SPTBN1: variants seen among roughly 807,000 people sequenced by gnomAD.
SPTBN1 encodes spectrin beta, non-erythrocytic 1.
SPTBN1 carries 32 observed loss-of-function variants against 266.4 expected under a neutral mutation model. That is an observed-to-expected ratio of 0.12 (90% CI 0.09 to 0.16). SPTBN1 has a LOEUF of 0.16. SPTBN1 is among the 10% of genes least tolerant of loss of function. The probability of loss-of-function intolerance (pLI) is 1.00; values close to 1 mark genes in which losing one functional copy is unlikely to be tolerated. For missense variants in SPTBN1, 2,296 were observed against 3,067.1 expected (o/e 0.75, Z 5.94); for synonymous variants, 1,336 against 1,162.2 (o/e 1.15, Z -3.04).
rs948653290 is a variant in SPTBN1 at position 54,664,205 on chromosome 2, G to C, written c.6421-248G>C. On this transcript the variant is annotated intron_variant, in intron 32 of 35. Transcript: ENST00000356805. The surrounding 1 kb of genome is among the most constrained non-coding windows in gnomAD (Gnocchi z 5.6). ...GTTATATTTATTGATCAGAGGAATA[G>C]AGTGCAGTAAAACTCATACTGGCAT... 4.3e-6 allele frequency: 2 copies of C among 461,856 alleles called. No individual in the cohort carries two copies. The highest frequency in any genetic ancestry group is 3.9e-5 in the African/African-American group (2 of 51,808). The allele number at this position is 461,856 out of a possible 1,614,324, so 28.6% of individuals were successfully genotyped here. A position where few individuals can be genotyped will look rare whatever the true frequency, so the allele number is the denominator to read the frequency against.
intron 2 of SPTBN1, among the ~76,000 whole-genome samples, chr2:54,573,509 G>A (rs1031630153): frequency 5.3e-5 from 8 of 152,166 alleles, no homozygotes; most frequent in Admixed American, 2.0e-4. Flanking sequence ...AATAGGTCAC[G>A]GGCCAGGACC....
intron 2 of SPTBN1, chr2:54,529,258 A>G: frequency 2.5e-6 from 1 of 406,350 alleles, no homozygotes; most frequent in Non-Finnish European, 4.7e-6. Flanking sequence ...AGACCACTTC[A>G]TCTGGACCGA....
chr2:54,551,507 G>T (rs973089696), intron 2 of SPTBN1, among the ~76,000 whole-genome samples: 6 of 152,236 alleles, frequency 3.9e-5, no homozygotes, highest in African/African-American at 4.8e-5. Context: ...TTTGGCTGGG[G>T]TAGAAGATTC....
intron 1 of SPTBN1, among the ~76,000 whole-genome samples, chr2:54,492,327 G>T (rs1481695446): frequency 7.7e-6 from 1 of 129,838 alleles, no homozygotes; most frequent in Non-Finnish European, 1.6e-5. Context: ...TGGACATTTA[G>T]TTTGTCTGCA....
In SPTBN1 at chr2:54,645,037, A is replaced by T. The variant is rs1212361521; in HGVS notation, c.4270-192A>T. The stretch of plus-strand genomic sequence containing the variant: ...TCACCGTAGAGGGCTTTAAGGGCAA[A>T]TGAATTTACCTCAGATTTACTTGAA... On this transcript the variant is annotated intron_variant, in intron 20 of 35. Coordinates refer to ENST00000356805, the MANE Select transcript of SPTBN1 (RefSeq NM_003128.3). The surrounding 1 kb of genome is among the most constrained non-coding windows in gnomAD (Gnocchi z 4.3). 1 of 610,162 alleles carries T rather than the reference A, an allele frequency of 1.6e-6. No homozygotes were observed. The highest frequency in any genetic ancestry group is 2.8e-5 in the East Asian group (1 of 35,480). The allele number at this position is 610,162 out of a possible 1,614,324, so 37.8% of individuals were successfully genotyped here. A position where few individuals can be genotyped will look rare whatever the true frequency, so the allele number is the denominator to read the frequency against.
chr2:54,596,557 GGAACTTA>G (rs1334579326), intron 2 of SPTBN1, among the ~76,000 whole-genome samples: 1 of 152,170 alleles, frequency 6.6e-6, no homozygotes, highest in Non-Finnish European at 1.5e-5. Flanking sequence ...GTGAACCTGA[GGAACTTA>G]GACCCTGCGT....
intron 2 of SPTBN1, chr2:54,545,483 G>C (rs530476300): frequency 6.6e-6 from 1 of 152,190 alleles, no homozygotes; most frequent in Non-Finnish European, 1.5e-5. Context: ...ACCCCACTAA[G>C]TGATAGATAC....
chr2:54,618,277 G>T (rs368828316), intron 7 of SPTBN1, 84 bp downstream of exon 7: 3 of 1,177,456 alleles, frequency 2.5e-6, no homozygotes, highest in Non-Finnish European at 3.6e-6. Flanking sequence ...GTGTCAGTCT[G>T]TTTCATTTGG....
intron 32 of SPTBN1, chr2:54,661,009 C>T: frequency 2.0e-6 from 2 of 985,368 alleles, no homozygotes; most frequent in Non-Finnish European, 2.4e-6. Flanking sequence ...ATTACTTGAA[C>T]GTTGCACTTG....
At chr2:54,530,186 T>A (rs1671131901) in intron 2 of SPTBN1, among the ~76,000 whole-genome samples, 2 of 152,058 alleles carry the variant, frequency 1.3e-5, no homozygotes, top group African/African-American at 4.8e-5. Context: ...CTTTTAATGG[T>A]GTAGTTCATC....
At chr2:54,602,524 GT>G (rs1266995236) in intron 3 of SPTBN1, among the ~76,000 whole-genome samples, 1 of 152,178 alleles carries the variant, frequency 6.6e-6, no homozygotes, top group Non-Finnish European at 1.5e-5. Flanking sequence ...ATGGTGGCCA[GT>G]TTTTTGCCTT....
Position 54,558,668 on chromosome 2 carries a change from C to G in SPTBN1, c.148+32102C>G. ...GCTGGACTTGCAGACCGGAATGGGG[C>G]TCGCCTAAGGAGCCGAGCGCTGCGG... On this transcript the variant is annotated intron_variant, in intron 2 of 35. Coordinates refer to ENST00000356805, the MANE Select transcript of SPTBN1 (RefSeq NM_003128.3). The surrounding 1 kb of genome is among the most constrained non-coding windows in gnomAD (Gnocchi z 4.6). The G allele has an allele frequency of 6.7e-7, 1 of 1,495,658 alleles. No homozygotes were observed. Among genetic ancestry groups the G allele is most frequent in the Non-Finnish European group, 8.9e-7 (1 of 1,121,006 alleles). The allele number at this position is 1,495,658 out of a possible 1,614,324, so 92.6% of individuals were successfully genotyped here.
At position 54,540,152 on chromosome 2, in the gene SPTBN1, T is replaced by G. The variant is rs1399235071; in HGVS notation, c.148+13586T>G. On this transcript the variant is annotated intron_variant, in intron 2 of 35. Coordinates refer to ENST00000356805, the MANE Select transcript of SPTBN1 (RefSeq NM_003128.3). The surrounding 1 kb of genome is among the most constrained non-coding windows in gnomAD (Gnocchi z 5.6). ...AGCCTCCAGAACTGTGAGAGAGAAA[T>G]GGTTGTTGGTTAATCTCCCAGTCTG... Among the ~76,000 whole-genome samples the G allele has an allele frequency of 6.6e-6, 1 of 152,044 alleles. No individual in the cohort carries two copies. The highest frequency in any genetic ancestry group is 1.5e-5 in the Non-Finnish European group (1 of 67,992).
chr2:54,583,210 T>C (rs989988941), intron 2 of SPTBN1, among the ~76,000 whole-genome samples: 1 of 152,086 alleles, frequency 6.6e-6, no homozygotes, highest in African/African-American at 2.4e-5. Flanking sequence ...CTCTGGTCAG[T>C]TGGTCCCACA....
Position 54,646,884 on chromosome 2 carries a change from C to G in SPTBN1, c.4867-247C>G, listed in dbSNP as rs894407043. On this transcript the variant is annotated intron_variant, in intron 23 of 35. Coordinates refer to ENST00000356805, the MANE Select transcript of SPTBN1 (RefSeq NM_003128.3). The surrounding 1 kb of genome is among the most constrained non-coding windows in gnomAD (Gnocchi z 4.4). Reference sequence around the variant, plus strand: ...ACCAGGCACACTTGGTCTGCCCAAGCTTTTCTCTGAGAGGGGCCCTGCTCA... The same window carrying G: ...ACCAGGCACACTTGGTCTGCCCAAGGTTTTCTCTGAGAGGGGCCCTGCTCA... Among the ~76,000 whole-genome samples the G allele has an allele frequency of 3.3e-5, 5 of 152,216 alleles. No homozygotes were observed. The highest frequency in any genetic ancestry group is 6.5e-5 in the Admixed American group (1 of 15,282).
chr2:54,526,693 C>G (rs868184700), intron 2 of SPTBN1, 127 bp downstream of exon 2: 2 of 1,192,746 alleles, frequency 1.7e-6, no homozygotes, highest in African/African-American at 1.5e-5. Context: ...TAAATGTGTC[C>G]TTGAGAGCCA....
intron 1 of SPTBN1, among the ~76,000 whole-genome samples, chr2:54,485,749 C>T (rs1327926833): frequency 3.3e-5 from 5 of 150,394 alleles, no homozygotes; most frequent in South Asian, 2.1e-4. Flanking sequence ...AAGTGAGGAG[C>T]GCCTCTTCCC....
intron 2 of SPTBN1, among the ~76,000 whole-genome samples, chr2:54,538,024 A>G (rs1671710821): frequency 6.6e-6 from 1 of 152,222 alleles, no homozygotes. Flanking sequence ...AGTAAGTAAC[A>G]ATGAATGTTT....
chr2:54,640,389 C>G (rs1350031805), intron 18 of SPTBN1, among the ~76,000 whole-genome samples: 1 of 151,944 alleles, frequency 6.6e-6, no homozygotes, highest in Non-Finnish European at 1.5e-5. Flanking sequence ...ATTGTAAGAT[C>G]CGCCCCTGTT....
Sources: allele counts gnomAD v4.1 joint callset (sites outside exome capture counted in the v4.1 genomes callset), GRCh38; gene constraint gnomAD v4.1.1; non-coding constraint Gnocchi (gnomAD v3.1); transcripts MANE v1.5; gene names NCBI Gene and HGNC (gene_info 2026-07-23, HGNC 2026-07-21).